FRMD4A: variants seen among roughly 807,000 people sequenced by gnomAD.
FRMD4A encodes the protein FERM domain-containing protein 4A.
Under a neutral mutation model 129.1 loss-of-function variants are expected in FRMD4A, and 29 were observed. The observed-to-expected ratio is 0.22, with a 90% CI of 0.17 to 0.31. The LOEUF (loss-of-function observed/expected upper bound fraction) is 0.31. Ranked by LOEUF, FRMD4A falls within the 10% of genes least tolerant of loss-of-function variation. The probability of loss-of-function intolerance (pLI) is 1.00; values close to 1 mark genes in which losing one functional copy is unlikely to be tolerated. For missense variants in FRMD4A, 1,272 were observed against 1,375.8 expected (o/e 0.92, Z 1.19); for synonymous variants, 634 against 571.6 (o/e 1.11, Z -1.56).
At chr10:14,145,143 C>T (rs74122382) in intron 2 of FRMD4A, among the ~76,000 whole-genome samples, 5,059 of 152,136 alleles carry the variant, frequency 0.033, 275 homozygotes, top group African/African-American at 0.12. Context: ...AGGACACATG[C>T]GGAGGCATCA....
At chr10:14,198,389 C>T (rs947978507) in intron 2 of FRMD4A, among the ~76,000 whole-genome samples, 14 of 152,140 alleles carry the variant, frequency 9.2e-5, no homozygotes, top group Admixed American at 4.6e-4. Flanking sequence ...TGGTTCTTGG[C>T]CAGGCGGAAT....
rs35330629 is a variant in FRMD4A at position 14,233,692 on chromosome 10, C to T, written c.45+96366G>A. Among the ~76,000 whole-genome samples, 245 of 152,314 alleles carry T rather than the reference C, an allele frequency of 1.6e-3. 1 individual carries two copies. The highest frequency in any genetic ancestry group is 7.5e-3 in the Admixed American group (115 of 15,302). On this transcript the variant is annotated intron_variant, in intron 2 of 24. Coordinates refer to ENST00000357447, the MANE Select transcript of FRMD4A (RefSeq NM_018027.5). ...GACTGGAAAATAATAAAAACAGGCA[C>T]GCTGAAAAAGACTCACTGCTTTTGC...
intron 2 of FRMD4A, among the ~76,000 whole-genome samples, chr10:13,917,194 A>C (rs1024995467): frequency 1.3e-5 from 2 of 152,044 alleles, no homozygotes; most frequent in Admixed American, 1.3e-4. Flanking sequence ...CAAACACAGG[A>C]GGGATAAGCA....
chr10:13,929,778 G>A (rs1277109126), intron 2 of FRMD4A, among the ~76,000 whole-genome samples: 1 of 151,870 alleles, frequency 6.6e-6, no homozygotes, highest in African/African-American at 2.4e-5. Flanking sequence ...TGGGATCTGC[G>A]GTCAGAGTCT....
intron 2 of FRMD4A, among the ~76,000 whole-genome samples, chr10:14,111,932 G>A (rs999122708): frequency 7.4e-6 from 1 of 134,806 alleles, no homozygotes; most frequent in African/African-American, 2.7e-5. Context: ...TGGAAGGAAG[G>A]AAGGAAGGAA....
At chr10:13,816,445 T>C (rs2093543910) in intron 3 of FRMD4A, among the ~76,000 whole-genome samples, 1 of 152,178 alleles carries the variant, frequency 6.6e-6, no homozygotes, top group Non-Finnish European at 1.5e-5. Flanking sequence ...CACAGAGACA[T>C]TGGGGGTTGT....
chr10:14,327,016 C>G (rs1036154845), intron 2 of FRMD4A: 9 of 398,506 alleles, frequency 2.3e-5, no homozygotes, highest in Middle Eastern at 6.2e-4. Flanking sequence ...CCTCTGTGAG[C>G]TGTCCGTTGA....
At chr10:14,274,261 A>G (rs1026999996) in intron 2 of FRMD4A, among the ~76,000 whole-genome samples, 25 of 152,198 alleles carry the variant, frequency 1.6e-4, no homozygotes, top group African/African-American at 5.5e-4. Flanking sequence ...GCAGAACTTG[A>G]CGACAACTCT....
At chr10:14,287,236 A>G (rs1197550456) in intron 2 of FRMD4A, among the ~76,000 whole-genome samples, 4 of 152,040 alleles carry the variant, frequency 2.6e-5, no homozygotes, top group African/African-American at 9.7e-5. Context: ...CCGTGTTTCT[A>G]TAGAAATTCT....
intron 2 of FRMD4A, among the ~76,000 whole-genome samples, chr10:14,066,373 C>T (rs763249028): frequency 8.5e-5 from 13 of 152,088 alleles, no homozygotes; most frequent in Non-Finnish European, 1.9e-4. Context: ...TCTGTTTCCT[C>T]AGTTCAGTGC....
chr10:13,948,648 ATTTTT>A (rs34872688), intron 2 of FRMD4A, among the ~76,000 whole-genome samples: 106 of 91,362 alleles, frequency 1.2e-3, no homozygotes, highest in African/African-American at 4.0e-3. Context: ...GGAAAAGAGG[ATTTTT>A]TTTTTTTTTT....
intron 2 of FRMD4A, among the ~76,000 whole-genome samples, chr10:14,052,883 C>T (rs547318494): frequency 6.6e-6 from 1 of 152,220 alleles, no homozygotes; most frequent in Non-Finnish European, 1.5e-5. Context: ...TTTTTTAACA[C>T]TCAGATCTTG....
At chr10:14,069,768 T>G (rs1835229216) in intron 2 of FRMD4A, among the ~76,000 whole-genome samples, 1 of 152,188 alleles carries the variant, frequency 6.6e-6, no homozygotes, top group African/African-American at 2.4e-5. Flanking sequence ...GTGGCTTCCC[T>G]TAGCAAAATC....
At chr10:13,788,817 CG>C (rs972547593) in intron 5 of FRMD4A, among the ~76,000 whole-genome samples, 1 of 97,036 alleles carries the variant, frequency 1.0e-5, no homozygotes, top group African/African-American at 4.5e-5. Flanking sequence ...TCTAAAGCCT[CG>C]GGGAGTCCCG....
chr10:14,030,414 C>T (rs564516845), intron 2 of FRMD4A, among the ~76,000 whole-genome samples: 2 of 152,200 alleles, frequency 1.3e-5, no homozygotes, highest in South Asian at 4.2e-4. Context: ...AATTTTTGTC[C>T]GTGATATCTC....
Position 14,039,844 on chromosome 10 carries a change from T to C in FRMD4A, c.46-180932A>G, listed in dbSNP as rs75277322. Among the ~76,000 whole-genome samples, 1,136 of 152,286 alleles carry C rather than the reference T, an allele frequency of 7.5e-3. 53 individuals carry two copies. In the East Asian group the frequency reaches 0.11, roughly 15 times the overall value. On this transcript the variant is annotated intron_variant, in intron 2 of 24. Coordinates refer to ENST00000357447, the MANE Select transcript of FRMD4A (RefSeq NM_018027.5). ...TTGGGCGCATGTCGTCAGGACCTCG[T>C]GAGGCTGTGTCACGGCCGTGCATCC...
chr10:13,933,323 C>T (rs530388765), intron 2 of FRMD4A, among the ~76,000 whole-genome samples: 2 of 152,272 alleles, frequency 1.3e-5, no homozygotes, highest in African/African-American at 2.4e-5. Flanking sequence ...AGGGCATACA[C>T]CAAGTAACCA....
intron 3 of FRMD4A, among the ~76,000 whole-genome samples, chr10:13,832,510 G>T (rs1220908069): frequency 6.6e-6 from 1 of 152,174 alleles, no homozygotes; most frequent in African/African-American, 2.4e-5. Context: ...TCGGGATTCC[G>T]ACTTGATTGG....
intron 6 of FRMD4A, among the ~76,000 whole-genome samples, chr10:13,770,567 C>T (rs1333525075): frequency 1.6e-4 from 25 of 152,282 alleles, no homozygotes. Context: ...CCTCAGCCTC[C>T]TGGGTAGCTG....
Sources: allele counts gnomAD v4.1 joint callset (sites outside exome capture counted in the v4.1 genomes callset), GRCh38; gene constraint gnomAD v4.1.1; transcripts MANE v1.5; gene names NCBI Gene and HGNC (gene_info 2026-07-23, HGNC 2026-07-21).